The following PDSS2 variants were observed in gnomAD, a reference collection of about 807,000 sequenced individuals.
PDSS2 encodes the protein decaprenyl diphosphate synthase subunit 2.
A neutral mutation model predicts 44.5 loss-of-function variants in PDSS2; 31 were observed. That is an observed-to-expected ratio of 0.70 (90% CI 0.52 to 0.94). The LOEUF is 0.94. PDSS2 is among the 40% of genes least tolerant of loss of function. PDSS2 has a pLI of 0.00. For missense variants in PDSS2, 452 were observed against 482.2 expected (o/e 0.94, Z 0.59); for synonymous variants, 157 against 180.3 (o/e 0.87, Z 1.03).
chr6:107,367,802 C>CAAAAA (rs58861327), intron 1 of PDSS2, among the ~76,000 whole-genome samples: 5 of 101,642 alleles, frequency 4.9e-5, no homozygotes, highest in South Asian at 3.7e-4. Flanking sequence ...AACTCTGTCT[C>CAAAAA]AAAAAAAAAA....
chr6:107,411,482 T>C (rs1023196485), intron 1 of PDSS2, among the ~76,000 whole-genome samples: 1 of 152,184 alleles, frequency 6.6e-6, no homozygotes, highest in Non-Finnish European at 1.5e-5. Flanking sequence ...TTAGGTAAGG[T>C]TGCACATACC....
chr6:107,293,653 G>A (rs1776418678), intron 2 of PDSS2, among the ~76,000 whole-genome samples: 1 of 152,126 alleles, frequency 6.6e-6, no homozygotes, highest in South Asian at 2.1e-4. Flanking sequence ...ATTTAGCTAT[G>A]AAAACTGCTT....
At chr6:107,242,796 T>A (rs575737556) in intron 4 of PDSS2, among the ~76,000 whole-genome samples, 1 of 152,310 alleles carries the variant, frequency 6.6e-6, no homozygotes, top group East Asian at 1.9e-4. Flanking sequence ...CCTCCTAAAG[T>A]GCTGGGATTA....
chr6:107,421,533 T>C (rs1780822586), intron 1 of PDSS2, among the ~76,000 whole-genome samples: 2 of 152,084 alleles, frequency 1.3e-5, no homozygotes, highest in African/African-American at 4.8e-5. Flanking sequence ...CATACACAAC[T>C]TAGGTGGATC....
At chr6:107,239,744 C>T (rs768682599) in intron 4 of PDSS2, among the ~76,000 whole-genome samples, 94 of 146,038 alleles carry the variant, frequency 6.4e-4, no homozygotes, top group Admixed American at 1.1e-3. Context: ...CAGGTTCAAG[C>T]GATTCTCCTG....
chr6:107,207,807 G>C (rs1267169466), intron 6 of PDSS2, among the ~76,000 whole-genome samples: 1 of 150,666 alleles, frequency 6.6e-6, no homozygotes, highest in South Asian at 2.1e-4. Context: ...ATGGGGTTTC[G>C]CCATGTTGGC....
intron 1 of PDSS2, among the ~76,000 whole-genome samples, chr6:107,410,361 T>C (rs1211575518): frequency 1.3e-5 from 2 of 152,240 alleles, no homozygotes; most frequent in South Asian, 2.1e-4. Flanking sequence ...AGTACGCTTA[T>C]CCTGGTATGA....
At chr6:107,249,603 G>T (rs1774746310) in intron 3 of PDSS2, among the ~76,000 whole-genome samples, 1 of 152,084 alleles carries the variant, frequency 6.6e-6, no homozygotes, top group Non-Finnish European at 1.5e-5. Context: ...AAAAAAAAAT[G>T]CTCTTCTCTT....
intron 2 of PDSS2, among the ~76,000 whole-genome samples, chr6:107,274,667 CTTTTTTTT>C (rs5878910): frequency 2.8e-5 from 3 of 106,554 alleles, no homozygotes; most frequent in South Asian, 6.6e-4. Context: ...ATCTCTCTCT[CTTTTTTTT>C]TTTTTTTTTT....
rs188344780 is a variant in PDSS2, at chr6:107,306,518, C to T, written c.431+27680G>A. On this transcript the variant is annotated intron_variant, in intron 2 of 7. Coordinates refer to ENST00000369037, the MANE Select transcript of PDSS2 (RefSeq NM_020381.4). ...GACTTGGGTATGTCTTTATCAGCAG[C>T]ATGAAAACGGACTAATACAGTAAAT... Among the ~76,000 whole-genome samples the T allele has an allele frequency of 9.2e-5, 14 of 152,274 alleles. No individual in the cohort carries two copies. In the East Asian group the frequency reaches 2.7e-3, roughly 29 times the overall value.
At chr6:107,189,940 C>T (rs1323762072) in intron 7 of PDSS2, among the ~76,000 whole-genome samples, 2 of 151,854 alleles carry the variant, frequency 1.3e-5, no homozygotes, top group Non-Finnish European at 2.9e-5. Context: ...AAAAAATAGC[C>T]GGGTGTGGTG....
intron 1 of PDSS2, among the ~76,000 whole-genome samples, chr6:107,367,042 A>G (rs1778979178): frequency 6.6e-6 from 1 of 152,168 alleles, no homozygotes; most frequent in Non-Finnish European, 1.5e-5. Context: ...TGAAAATGAC[A>G]GATTAATATC....
rs60758453 is a variant in PDSS2, at chr6:107,458,412, C to CAAAAAAAAAAAAAAAAAAAAA, written c.296+577_296+578insTTTTTTTTTTTTTTTTTTTTT. Among the ~76,000 whole-genome samples, 126 of 78,120 alleles carry CAAAAAAAAAAAAAAAAAAAAA rather than the reference C, an allele frequency of 1.6e-3. 20 individuals carry two copies. Among genetic ancestry groups the CAAAAAAAAAAAAAAAAAAAAA allele is most frequent in the African/African-American group, 2.6e-3 (40 of 15,620 alleles). 51.2% of individuals were successfully genotyped at this position (78,120 alleles called of 152,430 possible). On this transcript the variant is annotated intron_variant, in intron 1 of 7. Coordinates refer to ENST00000369037, the MANE Select transcript of PDSS2 (RefSeq NM_020381.4). ...TGGGCGACAAAGCGAGACTCCGTCT[C>CAAAAAAAAAAAAAAAAAAAAA]AAAAAAAAAAAAAAAAAAAACTTTT...
intron 1 of PDSS2, among the ~76,000 whole-genome samples, chr6:107,435,281 AACACACACACACAC>A (rs57353175): frequency 0.099 from 13,254 of 133,724 alleles, 769 homozygotes; most frequent in South Asian, 0.2. Context: ...ACTGCCTCAA[AACACACACACACAC>A]ACACACACAC....
intron 1 of PDSS2, among the ~76,000 whole-genome samples, chr6:107,429,924 A>C (rs1474417699): frequency 1.6e-5 from 2 of 122,732 alleles, no homozygotes; most frequent in Non-Finnish European, 3.3e-5. Context: ...ATATATATAT[A>C]TATATATATA....
At chr6:107,346,754 A>C (rs1778259533) in intron 1 of PDSS2, among the ~76,000 whole-genome samples, 1 of 152,246 alleles carries the variant, frequency 6.6e-6, no homozygotes, top group South Asian at 2.1e-4. Flanking sequence ...GAAAAGTAAA[A>C]AGGAACAATA....
intron 1 of PDSS2, among the ~76,000 whole-genome samples, chr6:107,422,641 T>C (rs1780863035): frequency 6.6e-6 from 1 of 152,102 alleles, no homozygotes; most frequent in Admixed American, 6.5e-5. Flanking sequence ...GTTAAAATTA[T>C]GTTTATTAAT....
intron 2 of PDSS2, among the ~76,000 whole-genome samples, chr6:107,322,957 G>T (rs986787441): frequency 8.5e-5 from 13 of 152,336 alleles, no homozygotes; most frequent in African/African-American, 3.1e-4. Context: ...CAGAGAATCT[G>T]CCCTCTTTGC....
intron 7 of PDSS2, among the ~76,000 whole-genome samples, chr6:107,192,020 C>T (rs1772398845): frequency 6.6e-6 from 1 of 152,184 alleles, no homozygotes; most frequent in Admixed American, 6.5e-5. Flanking sequence ...TTTTCACTCA[C>T]TTTTGCTGTC....
Sources: allele counts gnomAD v4.1 joint callset (sites outside exome capture counted in the v4.1 genomes callset), GRCh38; gene constraint gnomAD v4.1.1; transcripts MANE v1.5; gene names NCBI Gene and HGNC (gene_info 2026-07-23, HGNC 2026-07-21).